Variants in MED12L observed in about 807,000 individuals in gnomAD.
MED12L encodes mediator of RNA polymerase II transcription subunit 12-like protein.
In MED12L, 60 loss-of-function variants were observed where a neutral mutation model predicts 281.3. That is an observed-to-expected ratio of 0.21 (90% CI 0.17 to 0.26). The LOEUF is 0.26. MED12L is among the 10% of genes least tolerant of loss of function. MED12L has a pLI of 1.00. For missense variants in MED12L, 2,146 were observed against 2,680.9 expected (o/e 0.80, Z 4.41); for synonymous variants, 974 against 987.2 (o/e 0.99, Z 0.25).
intron 2 of MED12L, among the ~76,000 whole-genome samples, chr3:151,107,077 T>C (rs567807896): frequency 2.8e-4 from 40 of 141,656 alleles, no homozygotes; most frequent in Admixed American, 1.7e-3. Context: ...TACTATTTGT[T>C]TTCTGTGTCC....
intron 16 of MED12L, among the ~76,000 whole-genome samples, chr3:151,281,414 T>G (rs564017299): frequency 1.3e-5 from 2 of 151,620 alleles, no homozygotes; most frequent in African/African-American, 4.8e-5. Flanking sequence ...TGTCTCAAAA[T>G]AAATAAATAA....
At chr3:151,312,921 A>G (rs990724744) in intron 16 of MED12L, among the ~76,000 whole-genome samples, 1 of 152,214 alleles carries the variant, frequency 6.6e-6, no homozygotes, top group African/African-American at 2.4e-5. Context: ...ACATGTAGTA[A>G]TAACTCAGTA....
At chr3:151,299,627 C>T (rs1019988775) in intron 16 of MED12L, among the ~76,000 whole-genome samples, 6 of 151,506 alleles carry the variant, frequency 4.0e-5, no homozygotes, top group South Asian at 2.1e-4. Context: ...TACAGACGTG[C>T]GCCACCACAC....
intron 32 of MED12L, 131 bp downstream of exon 32, chr3:151,380,355 G>C: frequency 1.8e-6 from 1 of 570,550 alleles, no homozygotes; most frequent in Non-Finnish European, 2.9e-6. Flanking sequence ...CCAGCACTTT[G>C]GGAGGCGGAG....
At chr3:151,384,248 C>A (rs1357552739) in intron 35 of MED12L, 30 bp downstream of exon 35, 2 of 1,567,154 alleles carry the variant, frequency 1.3e-6, no homozygotes, top group African/African-American at 2.7e-5. Context: ...GTATTATGAG[C>A]TCAAGTTGTT....
chr3:151,363,138 T>TA lies in MED12L; in HGVS notation c.2958-1840dup, dbSNP rs1754826358. On this transcript the variant is annotated intron_variant, in intron 21 of 44. Coordinates refer to ENST00000687756, the MANE Select transcript of MED12L (RefSeq NM_001393769.1). ...ATTTAGGGTACCAGCACACAGTGAATAGAGTAATTACTCAGGGGTCAGCAG... is the reference window on the plus strand; with the variant it reads ...ATTTAGGGTACCAGCACACAGTGAATAAGAGTAATTACTCAGGGGTCAGCAG... Among the ~76,000 whole-genome samples the TA allele has an allele frequency of 2.6e-5, 4 of 152,218 alleles. No homozygotes were observed. In the South Asian group the frequency reaches 8.3e-4, roughly 32 times the overall value.
chr3:151,106,291 T>TTACTTTTCCTTTTCCTTC (rs1722025123), intron 2 of MED12L, among the ~76,000 whole-genome samples: 1 of 102,500 alleles, frequency 9.8e-6, no homozygotes, highest in Non-Finnish European at 1.8e-5. Flanking sequence ...CCTTTTCCTT[T>TTACTTTTCCTTTTCCTTC]TCCTTTTCCT....
Position 151,224,905 on chromosome 3 carries a change from G to A in MED12L, c.2250+31239G>A, listed in dbSNP as rs111465725. 5.8e-3 allele frequency among the ~76,000 whole-genome samples: 881 copies of A among 152,100 alleles called. 9 individuals are homozygous for A. The highest frequency in any genetic ancestry group is 0.02 in the African/African-American group (843 of 41,482). On this transcript the variant is annotated intron_variant, in intron 16 of 44. Transcript: ENST00000687756. Reference sequence around the variant, plus strand: ...TGATATTTCTTCCTTTGCCAAGGCCGTTTGTTCATTTGCTCACTAAAGCCA... The same window carrying A: ...TGATATTTCTTCCTTTGCCAAGGCCATTTGTTCATTTGCTCACTAAAGCCA...
intron 16 of MED12L, among the ~76,000 whole-genome samples, chr3:151,256,884 A>C (rs1218174044): frequency 7.0e-6 from 1 of 143,094 alleles, no homozygotes; most frequent in East Asian, 2.0e-4. Context: ...TAAATGGGTC[A>C]TGGGGAAAAT....
At chr3:151,309,951 G>T (rs1280434337) in intron 16 of MED12L, among the ~76,000 whole-genome samples, 1 of 152,124 alleles carries the variant, frequency 6.6e-6, no homozygotes, top group African/African-American at 2.4e-5. Flanking sequence ...CCAGGGAGGG[G>T]TGGAGACAAG....
At chr3:151,182,141 C>T (rs190092782) in intron 11 of MED12L, among the ~76,000 whole-genome samples, 3 of 152,152 alleles carry the variant, frequency 2.0e-5, no homozygotes, top group East Asian at 3.9e-4. Context: ...TCTCCAGGAG[C>T]ATTATTTAGA....
At chr3:151,190,297 G>A (rs749788649) in intron 13 of MED12L, among the ~76,000 whole-genome samples, 25 of 151,544 alleles carry the variant, frequency 1.6e-4, no homozygotes, top group South Asian at 4.2e-4. Flanking sequence ...TCAGCCTCCC[G>A]AGTAGCTGGG....
chr3:151,169,807 T>G (rs925607091), intron 11 of MED12L, among the ~76,000 whole-genome samples: 7 of 152,208 alleles, frequency 4.6e-5, no homozygotes, highest in African/African-American at 1.7e-4. Flanking sequence ...ATTCAGGATT[T>G]AGATAGCACG....
chr3:151,317,251 C>T (rs899787732), intron 16 of MED12L, among the ~76,000 whole-genome samples: 6 of 151,296 alleles, frequency 4.0e-5, no homozygotes, highest in African/African-American at 1.5e-4. Flanking sequence ...AATCTGTAGA[C>T]ATATTTTTAC....
At chr3:151,328,201 A>G (rs1749884176) in intron 16 of MED12L, 2 of 1,612,872 alleles carry the variant, frequency 1.2e-6, no homozygotes, top group South Asian at 1.1e-5. Flanking sequence ...AGTCAGTCTT[A>G]TTGTTGGTTT....
intron 5 of MED12L, 79 bp downstream of exon 5, chr3:151,128,063 G>A: frequency 7.8e-7 from 1 of 1,288,250 alleles, no homozygotes; most frequent in Non-Finnish European, 1.1e-6. Context: ...TCTGGATACA[G>A]CCCAGCATGG....
rs766432119 is a variant in MED12L at position 151,350,060 on chromosome 3, A to G, written c.2252A>G (p.Asp751Gly). The stretch of plus-strand genomic sequence containing the variant: ...CAGAATGCATTTTCTGTTTTTCAGG[A>G]TGAATCTTCAAGTCATGAATGTAAC... ...QYATHFPIPL[D>G]ESSSHECNQR... The change falls in exon 17 of 45, where the codon GAT becomes GGT. Residue 751 changes from aspartate to glycine, a missense_variant and splice_region_variant. Physicochemically the swap from Asp to Gly is moderately conservative, Grantham distance 94 (BLOSUM62 -1). Around this residue, in one of 9 missense-constraint regions of MED12L, gnomAD observed 404 missense variants for 603.5 expected, o/e 0.67. Transcript: ENST00000687756. The G allele has an allele frequency of 8.7e-6, 14 of 1,607,530 alleles. No homozygotes were observed. Among genetic ancestry groups the G allele is most frequent in the Non-Finnish European group, 1.0e-5 (12 of 1,176,002 alleles).
At chr3:151,199,310 A>G (rs143998423) in intron 16 of MED12L, 2 of 1,613,762 alleles carry the variant, frequency 1.2e-6, no homozygotes, top group African/African-American at 1.3e-5. Flanking sequence ...AATTCCAACA[A>G]GGAAAACTAA....
At chr3:151,359,405 A>G (rs890394645) in intron 20 of MED12L, among the ~76,000 whole-genome samples, 2 of 152,106 alleles carry the variant, frequency 1.3e-5, no homozygotes, top group African/African-American at 4.8e-5. Context: ...TGTTGATGTC[A>G]TTTCACAGGG....
Sources: allele counts gnomAD v4.1 joint callset (sites outside exome capture counted in the v4.1 genomes callset), GRCh38; gene constraint gnomAD v4.1.1; regional missense constraint gnomAD v4.1.1; transcripts MANE v1.5; gene names NCBI Gene and HGNC (gene_info 2026-07-23, HGNC 2026-07-21).